The following ARMC12 variants were observed in gnomAD, a reference collection of about 807,000 sequenced individuals.
ARMC12 encodes the protein armadillo repeat containing 12, also known as armadillo repeat-containing protein 12.
ARMC12 carries 25 observed loss-of-function variants against 37.4 expected under a neutral mutation model. The ratio of observed to expected loss-of-function variants is 0.67; its 90% CI spans 0.49 to 0.93. The LOEUF is 0.93. Ranked by LOEUF, ARMC12 falls within the 40% of genes least tolerant of loss-of-function variation. ARMC12 has a pLI of 0.00. For missense variants in ARMC12, 384 were observed against 426.6 expected (o/e 0.90, Z 0.88); for synonymous variants, 167 against 176.1 (o/e 0.95, Z 0.41).
chr6:35,747,363 G>T lies in ARMC12; in HGVS notation c.547G>T (p.Val183Leu), dbSNP rs1468143663. Residue 183 changes from valine to leucine, a missense_variant, in exon 4 of 6, where the codon GTG becomes TTG. Transcript: ENST00000373866. ...LLNNLPLPDY[V>L]HPQLRRVMPA... The stretch of plus-strand genomic sequence containing the variant: ...CAACAACCTTCCACTGCCCGACTAT[G>T]TGCATCCACAGCTGCGACGGGTGAT... 1 of 1,614,176 alleles carries T rather than the reference G, an allele frequency of 6.2e-7. No individual in the cohort carries two copies. The highest frequency in any genetic ancestry group is 1.1e-5 in the South Asian group (1 of 91,082).
At chr6:35,738,283 CGGTGGGGG>C in intron 2 of ARMC12, 93 bp from the exon 3 acceptor site, 1 of 572,470 alleles carries the variant, frequency 1.7e-6, no homozygotes, top group Non-Finnish European at 2.4e-6. Context: ...TGGCTGATAG[CGGTGGGGG>C]GGGGGTGTGC....
intron 5 of ARMC12, 43 bp downstream of exon 5, chr6:35,747,690 G>T (rs548245000): frequency 1.3e-6 from 2 of 1,583,590 alleles, no homozygotes; most frequent in Non-Finnish European, 8.7e-7. Context: ...GCCAACTCAG[G>T]TATAGGGGGA....
chr6:35,746,101 G>A lies in ARMC12; in HGVS notation c.445-1160G>A, dbSNP rs1767330049. Reference sequence around the variant, plus strand: ...AAAACAAAATTAAAGAAATGAAAATGTGTGTTACACGTGACAATGCTGTAG... The same window carrying A: ...AAAACAAAATTAAAGAAATGAAAATATGTGTTACACGTGACAATGCTGTAG... On this transcript the variant is annotated intron_variant, in intron 3 of 5. Coordinates refer to ENST00000373866, the MANE Select transcript of ARMC12 (RefSeq NM_001286574.2). Among the ~76,000 whole-genome samples, 3 of 152,054 alleles carry A rather than the reference G, an allele frequency of 2.0e-5. No homozygotes were observed. In the South Asian group the frequency reaches 6.2e-4, roughly 32 times the overall value.
rs896189196 is a variant in ARMC12 at position 35,737,182 on chromosome 6, C to T, written c.74C>T (p.Ala25Val). ...RKSVVSLATG[A>V]GAIYLLYKAI... Reference sequence around the variant, plus strand: ...AGCGTAGTCAGCCTGGCCACAGGCGCCGGGGCGATCTACCTGCTCTACAAG... The same window carrying T: ...AGCGTAGTCAGCCTGGCCACAGGCGTCGGGGCGATCTACCTGCTCTACAAG... The change falls in exon 1 of 6, where the codon GCC (alanine) becomes GTC (valine). Residue 25 changes from alanine to valine, a missense_variant. Transcript: ENST00000373866. The T allele has an allele frequency of 1.2e-6, 2 of 1,614,124 alleles. No individual in the cohort carries two copies. Among genetic ancestry groups the T allele is most frequent in the African/African-American group, 2.7e-5 (2 of 74,946 alleles).
At chr6:35,747,225 T>C (rs1428944058) in intron 3 of ARMC12, 36 bp from the exon 4 acceptor site, 1 of 1,592,606 alleles carries the variant, frequency 6.3e-7, no homozygotes, top group East Asian at 2.2e-5. Flanking sequence ...GGTGATCACC[T>C]GTAAAAGTAA....
At chr6:35,743,497 C>T (rs974354206) in intron 3 of ARMC12, among the ~76,000 whole-genome samples, 2 of 152,158 alleles carry the variant, frequency 1.3e-5, no homozygotes, top group Non-Finnish European at 2.9e-5. Flanking sequence ...GGATTAAAGG[C>T]GTGAGCCACT....
At chr6:35,731,755 C>T in the ARMC12 span, among the ~76,000 whole-genome samples, 1 of 152,156 alleles carries the variant, frequency 6.6e-6, no homozygotes, top group Non-Finnish European at 1.5e-5. Flanking sequence ...TCCCAGTGAG[C>T]CCTCTCCAAC....
chr6:35,731,908 G>C, the ARMC12 span, among the ~76,000 whole-genome samples: 1 of 152,220 alleles, frequency 6.6e-6, no homozygotes, highest in Non-Finnish European at 1.5e-5. Context: ...AGGCGCCGCC[G>C]AGCGCGGGAG....
intron 3 of ARMC12, 80 bp downstream of exon 3, chr6:35,738,598 A>G (rs1035037352): frequency 2.0e-6 from 3 of 1,535,114 alleles, no homozygotes; most frequent in African/African-American, 2.8e-5. Context: ...ATAAATGGTC[A>G]TGTTCCAGAA....
At chr6:35,734,963 C>T (rs1432451315), upstream of ARMC12, 1 of 152,206 alleles carries the variant, frequency 6.6e-6, no homozygotes, top group Non-Finnish European at 1.5e-5. Flanking sequence ...TCTAATCTCT[C>T]TGAATCATTT....
chr6:35,746,970 T>A (rs1352408593), intron 3 of ARMC12, among the ~76,000 whole-genome samples: 4 of 147,320 alleles, frequency 2.7e-5, no homozygotes, highest in Non-Finnish European at 5.9e-5. Flanking sequence ...GGATCGTATT[T>A]AACACTGTGA....
chr6:35,741,759 A>C (rs552886711), intron 3 of ARMC12, among the ~76,000 whole-genome samples: 6 of 152,174 alleles, frequency 3.9e-5, no homozygotes, highest in African/African-American at 1.4e-4. Context: ...TTGGGGAAAA[A>C]ATTCTCTTTA....
Position 35,738,285 on chromosome 6 carries a change from G to T in ARMC12, c.310-99G>T, listed in dbSNP as rs557929688. ...TGGGACCTCTCTCTGGCTGATAGCGGTGGGGGGGGGGTGTGCGGAGGGATC... is the reference window on the plus strand; with the variant it reads ...TGGGACCTCTCTCTGGCTGATAGCGTTGGGGGGGGGGTGTGCGGAGGGATC... On this transcript the variant is annotated intron_variant, in intron 2 of 5. Transcript: ENST00000373866. The T allele has an allele frequency of 3.6e-4, 412 of 1,136,132 alleles. 8 individuals are homozygous for T. The African/African-American group carries it at 5.7e-3, about 16-fold the overall frequency. The allele number at this position is 1,136,132 out of a possible 1,614,324, so 70.4% of individuals were successfully genotyped here. A position where few individuals can be genotyped will look rare whatever the true frequency, so the allele number is the denominator to read the frequency against.
At chr6:35,748,309 T>C (rs1302386596) in intron 5 of ARMC12, among the ~76,000 whole-genome samples, 1 of 152,156 alleles carries the variant, frequency 6.6e-6, no homozygotes. Context: ...AGCCTTAAAA[T>C]TTGTCTCAAC....
At chr6:35,736,043 G>A (rs575152692), upstream of ARMC12, among the ~76,000 whole-genome samples, 1 of 152,324 alleles carries the variant, frequency 6.6e-6, no homozygotes, top group Non-Finnish European at 1.5e-5. Context: ...GGTTAGAAGG[G>A]TCTGGAGCCC....
chr6:35,737,531 C>G (rs1406643544), intron 1 of ARMC12, among the ~76,000 whole-genome samples: 1 of 152,194 alleles, frequency 6.6e-6, no homozygotes, highest in Non-Finnish European at 1.5e-5. Context: ...CCTCTGGCTC[C>G]CAGGATTCCA....
intron 3 of ARMC12, among the ~76,000 whole-genome samples, chr6:35,746,386 G>C (rs536493828): frequency 2.6e-5 from 4 of 152,138 alleles, no homozygotes; most frequent in Non-Finnish European, 5.9e-5. Flanking sequence ...GAGAAGAGAA[G>C]ATGGAGTCCA....
At chr6:35,747,075 A>AAAAAAAAAAAT (rs1767361018) in intron 3 of ARMC12, among the ~76,000 whole-genome samples, 186 bp from the exon 4 acceptor site, 1 of 149,662 alleles carries the variant, frequency 6.7e-6, no homozygotes, top group African/African-American at 2.5e-5. Flanking sequence ...AAAAAAAAAA[A>AAAAAAAAAAAT]GCCAAATAAA....
rs754266012 is a variant in ARMC12, at chr6:35,738,091, T to C, written c.228T>C (p.Ser76=). ...DSGELRRLLN[S]LECKQDEYAK... ...GTGAGCTCCGGAGGCTCCTCAACTC[T>C]TTGGAGTGCAAACAGGATGAGTATG... The change falls in exon 2 of 6, where the codon TCT becomes TCC. Residue 76 remains serine, a synonymous_variant. Coordinates refer to ENST00000373866, the MANE Select transcript of ARMC12 (RefSeq NM_001286574.2). 18 of 1,613,910 alleles carry C rather than the reference T, an allele frequency of 1.1e-5. No homozygotes were observed. The South Asian group carries it at 1.6e-4, about 15-fold the overall frequency.
Sources: gnomAD v4.1 joint callset for allele counts (sites outside exome capture counted in the v4.1 genomes callset) on GRCh38, gnomAD v4.1.1 for gene constraint, MANE v1.5 for transcripts, NCBI Gene and HGNC (gene_info 2026-07-23, HGNC 2026-07-21) for gene names.